Variants in SUMF1 observed in about 807,000 individuals in gnomAD.
The protein encoded by SUMF1 is sulfatase modifying factor 1.
Under a neutral mutation model 47.6 loss-of-function variants are expected in SUMF1, and 48 were observed. That is an observed-to-expected ratio of 1.01 (90% confidence interval 0.80 to 1.28). SUMF1 has a LOEUF of 1.28. SUMF1 is among the 50% of genes most tolerant of loss of function. SUMF1 has a pLI of 0.00. For missense variants in SUMF1, 571 were observed against 485.4 expected (o/e 1.18, Z -1.66); for synonymous variants, 230 against 192.1 (o/e 1.20, Z -1.63).
intron 3 of SUMF1, among the ~76,000 whole-genome samples, chr3:4,426,587 A>G (rs1453663932): frequency 6.6e-6 from 1 of 152,230 alleles, no homozygotes; most frequent in Non-Finnish European, 1.5e-5. Context: ...AACTTTTAAG[A>G]GTCATATATT....
At chr3:4,374,392 G>A (rs191570716) in intron 8 of SUMF1, among the ~76,000 whole-genome samples, 48 of 152,322 alleles carry the variant, frequency 3.2e-4, no homozygotes, top group African/African-American at 1.1e-3. Flanking sequence ...AATAAAGTAT[G>A]TAGGAGTTTA....
At chr3:4,109,330 C>G (rs571282141) in intron 8 of SUMF1, among the ~76,000 whole-genome samples, 2 of 152,090 alleles carry the variant, frequency 1.3e-5, no homozygotes, top group African/African-American at 2.4e-5. Context: ...GTGGGTAACC[C>G]GACCTTTCTC....
chr3:4,275,785 C>A (rs544536616), intron 8 of SUMF1, among the ~76,000 whole-genome samples: 1 of 152,262 alleles, frequency 6.6e-6, no homozygotes, highest in African/African-American at 2.4e-5. Context: ...TACATAAGGA[C>A]ACTATTGCTG....
At chr3:4,267,537 T>C (rs1471671841) in intron 8 of SUMF1, among the ~76,000 whole-genome samples, 9 of 152,202 alleles carry the variant, frequency 5.9e-5, no homozygotes, top group Non-Finnish European at 1.2e-4. Context: ...TATTCTCTGA[T>C]GGTAGTTTGT....
chr3:4,315,261 C>T (rs1349205797), intron 8 of SUMF1, among the ~76,000 whole-genome samples: 1 of 152,198 alleles, frequency 6.6e-6, no homozygotes, highest in Non-Finnish European at 1.5e-5. Flanking sequence ...TGTGCTTTTT[C>T]TTGCTCACAA....
Position 4,368,002 on chromosome 3 carries a change from A to C in SUMF1, c.1015-5748T>G, listed in dbSNP as rs79235972. Among the ~76,000 whole-genome samples the C allele has an allele frequency of 6.0e-3, 913 of 151,476 alleles. 3 individuals carry two copies. The highest frequency in any genetic ancestry group is 0.037 in the Middle Eastern group (11 of 294). On this transcript the variant is annotated intron_variant, in intron 8 of 8. Transcript: ENST00000272902. ...TTGACAAATGGGATCTAATTAAACT[A>C]AAGAGCTTCTGCACAGCAAAAGAAA...
intron 8 of SUMF1, among the ~76,000 whole-genome samples, chr3:4,104,935 T>C (rs1222111111): frequency 6.6e-6 from 1 of 152,126 alleles, no homozygotes; most frequent in Non-Finnish European, 1.5e-5. Context: ...CCCATGTTCA[T>C]TTCAGCATTA....
chr3:4,283,631 A>G (rs1024418762), intron 8 of SUMF1, among the ~76,000 whole-genome samples: 1 of 152,210 alleles, frequency 6.6e-6, no homozygotes, highest in African/African-American at 2.4e-5. Context: ...ATAGGCTTTA[A>G]TAAAGGAAAA....
intron 7 of SUMF1, among the ~76,000 whole-genome samples, chr3:4,384,903 T>G (rs528895034): frequency 6.6e-6 from 1 of 152,102 alleles, no homozygotes; most frequent in African/African-American, 2.4e-5. Flanking sequence ...TTTTTTTTTT[T>G]GAGAGGGTCT....
intron 8 of SUMF1, among the ~76,000 whole-genome samples, chr3:4,211,203 C>CATATATATATATATATAT (rs57172340): frequency 4.1e-5 from 4 of 98,152 alleles, no homozygotes; most frequent in Admixed American, 1.1e-4. Flanking sequence ...TACATACATA[C>CATATATATATATATATAT]ATATATATAT....
At chr3:4,050,087 C>T (rs1034375523) in intron 9 of SUMF1, among the ~76,000 whole-genome samples, 4 of 151,848 alleles carry the variant, frequency 2.6e-5, no homozygotes, top group Non-Finnish European at 4.4e-5. Flanking sequence ...AGCCTGCAGT[C>T]TGGGGTTTAC....
At chr3:4,287,687 C>T (rs1697659794) in intron 8 of SUMF1, among the ~76,000 whole-genome samples, 1 of 152,142 alleles carries the variant, frequency 6.6e-6, no homozygotes, top group Admixed American at 6.5e-5. Flanking sequence ...TCACTGTTTC[C>T]CTTGAATATT....
chr3:4,423,075 A>G lies in SUMF1; in HGVS notation c.520-2929T>C, dbSNP rs181510816. On this transcript the variant is annotated intron_variant, in intron 3 of 8. Transcript: ENST00000272902. Reference sequence around the variant, plus strand: ...TGAGTTACTTCACTTAGAATAATGGAAAGAGCGTGGAGATTCCCTAAGGAA... The same window carrying G: ...TGAGTTACTTCACTTAGAATAATGGGAAGAGCGTGGAGATTCCCTAAGGAA... Among the ~76,000 whole-genome samples the G allele has an allele frequency of 4.7e-4, 71 of 152,288 alleles. 1 individual carries two copies. The highest frequency in any genetic ancestry group is 1.7e-3 in the African/African-American group (69 of 41,566).
intron 9 of SUMF1, among the ~76,000 whole-genome samples, chr3:4,045,367 T>G (rs928486235): frequency 1.3e-5 from 2 of 151,682 alleles, no homozygotes; most frequent in African/African-American, 4.8e-5. Flanking sequence ...CCAATAATTC[T>G]ATGTCCAACC....
intron 8 of SUMF1, among the ~76,000 whole-genome samples, chr3:4,092,255 CT>C (rs1692804321): frequency 6.6e-6 from 1 of 152,190 alleles, no homozygotes; most frequent in East Asian, 1.9e-4. Context: ...CCTGAAGCCC[CT>C]GTCCAAAGGA....
intron 3 of SUMF1, among the ~76,000 whole-genome samples, chr3:4,429,340 G>A (rs544380922): frequency 6.6e-6 from 1 of 152,310 alleles, no homozygotes; most frequent in East Asian, 1.9e-4. Context: ...ATTGCTAGTA[G>A]CTTACTTATA....
chr3:4,080,918 CT>C, intron 8 of SUMF1, among the ~76,000 whole-genome samples: 1 of 152,220 alleles, frequency 6.6e-6, no homozygotes, highest in East Asian at 1.9e-4. Flanking sequence ...GACTTTCTCA[CT>C]TCCTAGCTGG....
intron 8 of SUMF1, among the ~76,000 whole-genome samples, chr3:4,374,127 A>C (rs1700252442): frequency 6.6e-6 from 1 of 152,202 alleles, no homozygotes; most frequent in East Asian, 1.9e-4. Context: ...ATCAAGAATG[A>C]GGTATGAAGG....
chr3:4,190,785 CA>C (rs1283221507), intron 8 of SUMF1, among the ~76,000 whole-genome samples: 2 of 152,120 alleles, frequency 1.3e-5, no homozygotes, highest in Non-Finnish European at 2.9e-5. Flanking sequence ...AATAAGCCAC[CA>C]TGCCTGCTTT....
Sources: gnomAD v4.1 joint callset for allele counts (sites outside exome capture counted in the v4.1 genomes callset) on GRCh38, gnomAD v4.1.1 for gene constraint, MANE v1.5 for transcripts, NCBI Gene and HGNC (gene_info 2026-07-23, HGNC 2026-07-21) for gene names.